Variants in PIP5K1B observed in about 807,000 individuals in gnomAD.
The protein encoded by PIP5K1B is phosphatidylinositol 4-phosphate 5-kinase type-1 beta.
In PIP5K1B, 42 loss-of-function variants were observed where a neutral mutation model predicts 67.0. That is an observed-to-expected ratio of 0.63 (90% CI 0.49 to 0.81). The LOEUF is 0.81. PIP5K1B is among the 30% of genes least tolerant of loss of function. The pLI is 0.00. For missense variants in PIP5K1B, 459 were observed against 646.3 expected (o/e 0.71, Z 3.14); for synonymous variants, 214 against 231.4 (o/e 0.92, Z 0.68).
chr9:68,731,317 T>C (rs564037445), intron 1 of PIP5K1B, among the ~76,000 whole-genome samples: 9 of 152,320 alleles, frequency 5.9e-5, no homozygotes, highest in African/African-American at 1.9e-4. Flanking sequence ...TAACACTGCA[T>C]TGTGTACACT....
chr9:68,742,052 T>TA, intron 1 of PIP5K1B, among the ~76,000 whole-genome samples: 1 of 152,346 alleles, frequency 6.6e-6, no homozygotes, highest in South Asian at 2.1e-4. Context: ...TTTCCACTAT[T>TA]ACTTGTTTCC....
At chr9:68,890,130 G>A (rs142017471) in intron 7 of PIP5K1B, among the ~76,000 whole-genome samples, 80 of 152,224 alleles carry the variant, frequency 5.3e-4, no homozygotes, top group African/African-American at 1.5e-3. Context: ...CTAATACACC[G>A]GAACATATTC....
Position 68,822,606 on chromosome 9 carries a change from C to A in PIP5K1B, c.1-9C>A. On this transcript the variant is annotated splice_polypyrimidine_tract_variant and intron_variant, in intron 3 of 15. Transcript: ENST00000265382. ...TTGAAGTTCAAAGGGCAGTGTGTTT[C>A]TCTTGTAGATGTCTTCTGCTGCTGA... 1 of 1,605,238 alleles carries A rather than the reference C, an allele frequency of 6.2e-7. No individual in the cohort carries two copies. Among genetic ancestry groups the A allele is most frequent in the African/African-American group, 1.3e-5 (1 of 74,748 alleles).
At chr9:68,833,095 CAT>C (rs1380607534) in intron 4 of PIP5K1B, among the ~76,000 whole-genome samples, 5 of 152,226 alleles carry the variant, frequency 3.3e-5, no homozygotes, top group African/African-American at 1.2e-4. Context: ...CCAAGACAGA[CAT>C]AGTCCCTGCC....
intron 6 of PIP5K1B, among the ~76,000 whole-genome samples, chr9:68,884,857 G>T (rs1824387829): frequency 6.6e-6 from 1 of 152,160 alleles, no homozygotes; most frequent in African/African-American, 2.4e-5. Context: ...TATACTGTTG[G>T]TGGGAATGTA....
At chr9:68,791,253 G>C (rs1034961039) in intron 2 of PIP5K1B, among the ~76,000 whole-genome samples, 9 of 152,212 alleles carry the variant, frequency 5.9e-5, no homozygotes, top group Non-Finnish European at 1.2e-4. Flanking sequence ...ACAAAGAAAG[G>C]TTTTAATGTC....
chr9:68,853,186 T>C (rs1183955900), intron 4 of PIP5K1B, among the ~76,000 whole-genome samples: 6 of 152,120 alleles, frequency 3.9e-5, no homozygotes. Context: ...AAACCCCATG[T>C]GATCAGCGGG....
Position 68,978,382 on chromosome 9 carries a change from G to A in PIP5K1B, c.1503-12758G>A, listed in dbSNP as rs369369810. 9.2e-5 allele frequency among the ~76,000 whole-genome samples: 14 copies of A among 152,252 alleles called. No individual in the cohort carries two copies. The South Asian group carries it at 1.7e-3, about 18-fold the overall frequency. On this transcript the variant is annotated intron_variant, in intron 14 of 15. Transcript: ENST00000265382. ...GTTCATGCAGTGTTTGGCTTTTTGC[G>A]TCTGGCGTATTTCATTTAGCATAAT...
chr9:68,853,194 G>T (rs1362090790), intron 4 of PIP5K1B, among the ~76,000 whole-genome samples: 1 of 152,118 alleles, frequency 6.6e-6, no homozygotes, highest in Non-Finnish European at 1.5e-5. Flanking sequence ...TGTGATCAGC[G>T]GGACCTGTGA....
intron 1 of PIP5K1B, among the ~76,000 whole-genome samples, chr9:68,737,020 T>G (rs944385805): frequency 2.0e-5 from 3 of 152,212 alleles, no homozygotes; most frequent in African/African-American, 7.2e-5. Context: ...AATTATATAC[T>G]TTGACCTTCT....
intron 15 of PIP5K1B, among the ~76,000 whole-genome samples, chr9:69,002,223 G>C (rs1239192419): frequency 1.3e-5 from 2 of 152,208 alleles, no homozygotes; most frequent in African/African-American, 2.4e-5. Flanking sequence ...CAAGGATGGC[G>C]AAAGTCCTGC....
chr9:68,724,683 G>A (rs1166676487), intron 1 of PIP5K1B, among the ~76,000 whole-genome samples: 1 of 151,570 alleles, frequency 6.6e-6, no homozygotes. Flanking sequence ...TTTTTTTGTA[G>A]TTATTGTAAG....
At position 68,972,679 on chromosome 9, in the gene PIP5K1B, A is replaced by G. The variant is rs184566777; in HGVS notation, c.1503-18461A>G. ...AAATATAAGTATAAAAACTTTATGT[A>G]CATACATATGTGCACATGGGTTTTT... On this transcript the variant is annotated intron_variant, in intron 14 of 15. Coordinates refer to ENST00000265382, the MANE Select transcript of PIP5K1B (RefSeq NM_003558.4). Among the ~76,000 whole-genome samples the G allele has an allele frequency of 2.8e-4, 43 of 152,334 alleles. No homozygotes were observed. The East Asian group carries it at 7.3e-3, about 26-fold the overall frequency.
intron 2 of PIP5K1B, among the ~76,000 whole-genome samples, chr9:68,755,444 G>A (rs1829876717): frequency 6.6e-6 from 1 of 152,190 alleles, no homozygotes. Flanking sequence ...TACTTTCATA[G>A]ATATAGACCC....
chr9:68,962,644 A>G (rs2132758549), intron 14 of PIP5K1B, among the ~76,000 whole-genome samples: 1 of 152,338 alleles, frequency 6.6e-6, no homozygotes, highest in South Asian at 2.1e-4. Flanking sequence ...AACTCAGAGA[A>G]TTAAAATTAT....
At chr9:68,972,388 T>G (rs1829419345) in intron 14 of PIP5K1B, among the ~76,000 whole-genome samples, 1 of 152,100 alleles carries the variant, frequency 6.6e-6, no homozygotes, top group Admixed American at 6.5e-5. Context: ...AGCCATTTGA[T>G]TGTTAATAAT....
intron 5 of PIP5K1B, among the ~76,000 whole-genome samples, chr9:68,874,585 CT>C (rs1384217943): frequency 6.6e-6 from 1 of 152,140 alleles, no homozygotes; most frequent in African/African-American, 2.4e-5. Flanking sequence ...ATCCAAGGAG[CT>C]CAGAACTAAC....
At chr9:68,897,167 T>A (rs1290447614) in intron 8 of PIP5K1B, among the ~76,000 whole-genome samples, 3 of 152,104 alleles carry the variant, frequency 2.0e-5, no homozygotes, top group African/African-American at 7.2e-5. Flanking sequence ...CAATCAGGAA[T>A]CTCCTCTGCT....
chr9:68,825,240 AAAAG>A (rs1424176383), intron 4 of PIP5K1B, among the ~76,000 whole-genome samples: 1 of 152,206 alleles, frequency 6.6e-6, no homozygotes, highest in Admixed American at 6.5e-5. Context: ...AAAGGTGTCT[AAAAG>A]ATTCGCTAGT....
Sources: allele counts gnomAD v4.1 joint callset (sites outside exome capture counted in the v4.1 genomes callset), GRCh38; gene constraint gnomAD v4.1.1; transcripts MANE v1.5; gene names NCBI Gene and HGNC (gene_info 2026-07-23, HGNC 2026-07-21).